CTNNA3: variants seen among roughly 807,000 people sequenced by gnomAD.
CTNNA3 encodes catenin alpha-3.
CTNNA3 carries 76 observed loss-of-function variants against 95.7 expected under a neutral mutation model. The ratio of observed to expected loss-of-function variants is 0.79; its 90% CI spans 0.66 to 0.96. CTNNA3 has a LOEUF of 0.96. Ranked by LOEUF, CTNNA3 falls within the 40% of genes least tolerant of loss-of-function variation. CTNNA3 has a pLI of 0.00. For missense variants in CTNNA3, 1,191 were observed against 1,089.8 expected, an observed-to-expected ratio of 1.09 and a Z score of -1.31; for synonymous variants, 431 against 374.4, an observed-to-expected ratio of 1.15 and a Z score of -1.74.
At chr10:66,537,982 A>T (rs367862045) in intron 10 of CTNNA3, among the ~76,000 whole-genome samples, 1 of 152,236 alleles carries the variant, frequency 6.6e-6, no homozygotes, top group African/African-American at 2.4e-5. Flanking sequence ...TTCCAAAAAC[A>T]CCCTCCACAC....
At chr10:66,076,913 A>G (rs2080574185) in intron 14 of CTNNA3, among the ~76,000 whole-genome samples, 1 of 151,718 alleles carries the variant, frequency 6.6e-6, no homozygotes, top group African/African-American at 2.4e-5. Context: ...AACCCTCTCC[A>G]ATGTTTTATT....
intron 15 of CTNNA3, among the ~76,000 whole-genome samples, chr10:66,041,907 C>T (rs1304614604): frequency 2.6e-5 from 4 of 152,122 alleles, no homozygotes; most frequent in Non-Finnish European, 5.9e-5. Flanking sequence ...TGGCCATTTC[C>T]TTCTTCAATG....
chr10:66,741,652 G>A (rs1053964852), intron 9 of CTNNA3, among the ~76,000 whole-genome samples: 3 of 152,198 alleles, frequency 2.0e-5, no homozygotes, highest in African/African-American at 7.2e-5. Context: ...AGCATTGCGG[G>A]AAGTCAGGGA....
intron 13 of CTNNA3, among the ~76,000 whole-genome samples, chr10:66,146,657 A>G (rs2083902153): frequency 6.6e-6 from 1 of 152,134 alleles, no homozygotes; most frequent in African/African-American, 2.4e-5. Context: ...CCTGGGCTCA[A>G]GTGATCCACC....
intron 15 of CTNNA3, among the ~76,000 whole-genome samples, chr10:66,014,730 T>G (rs563702875): frequency 2.2e-4 from 33 of 152,312 alleles, no homozygotes; most frequent in African/African-American, 7.0e-4. Context: ...TGTATTTAAC[T>G]TTAATTAATT....
intron 13 of CTNNA3, among the ~76,000 whole-genome samples, chr10:66,152,579 A>G (rs2084262097): frequency 6.6e-6 from 1 of 151,972 alleles, no homozygotes. Context: ...TCTAATAATA[A>G]CTAAAAATGA....
chr10:67,351,674 T>C (rs1401230687), intron 5 of CTNNA3, among the ~76,000 whole-genome samples: 1 of 152,010 alleles, frequency 6.6e-6, no homozygotes, highest in Admixed American at 6.6e-5. Flanking sequence ...TGCAAAGTTA[T>C]TTTTCTGAGA....
rs1345746750 is a variant in CTNNA3, at chr10:66,127,140, C to T, written c.1885-23891G>A. Among the ~76,000 whole-genome samples the T allele has an allele frequency of 2.6e-5, 4 of 151,968 alleles. No individual in the cohort carries two copies. The East Asian group carries it at 5.8e-4, about 22-fold the overall frequency. On this transcript the variant is annotated intron_variant, in intron 13 of 17. Transcript: ENST00000433211. Reference sequence around the variant, plus strand: ...CAAAAAAATTAGCCAGGCTTGGTGGCGGGCGCCTGTAGTCCCAGCTACTTG... The same window carrying T: ...CAAAAAAATTAGCCAGGCTTGGTGGTGGGCGCCTGTAGTCCCAGCTACTTG...
rs898511896 is a variant in CTNNA3, at chr10:66,863,218, C to T, written c.1048-87694G>A. Among the ~76,000 whole-genome samples, 20 of 150,756 alleles carry T rather than the reference C, an allele frequency of 1.3e-4. No homozygotes were observed. In the South Asian group the frequency reaches 2.3e-3, roughly 17 times the overall value. ...ACACACACACACACACACGCACACA[C>T]ATATATATATATAATACAATATATA... On this transcript the variant is annotated intron_variant, in intron 7 of 17. Transcript: ENST00000433211.
At chr10:65,950,016 T>C (rs779409317) in intron 17 of CTNNA3, among the ~76,000 whole-genome samples, 2 of 152,034 alleles carry the variant, frequency 1.3e-5, no homozygotes, top group African/African-American at 4.8e-5. Flanking sequence ...GTGCTGCAGA[T>C]GAGAAACTGT....
Position 66,131,255 on chromosome 10 carries a change from GAC to G in CTNNA3, c.1885-28008_1885-28007del, listed in dbSNP as rs1019913673. 3.2e-4 allele frequency among the ~76,000 whole-genome samples: 49 copies of G among 151,996 alleles called. 1 individual carries two copies. Among genetic ancestry groups the G allele is most frequent in the Admixed American group, 3.1e-3 (47 of 15,250 alleles). ...TCATCCTGAACCAAAACCTGGCAGA[GAC>G]ACAACAAAAAGGAAGACTTCCGGCC... On this transcript the variant is annotated intron_variant, in intron 13 of 17. Coordinates refer to ENST00000433211, the MANE Select transcript of CTNNA3 (RefSeq NM_013266.4).
rs146784660 is a variant in CTNNA3 at position 67,013,337 on chromosome 10, T to A, written c.1047+166980A>T. 3.5e-3 allele frequency among the ~76,000 whole-genome samples: 537 copies of A among 152,318 alleles called. 4 individuals are homozygous for A. The highest frequency in any genetic ancestry group is 0.012 in the African/African-American group (505 of 41,576). On this transcript the variant is annotated intron_variant, in intron 7 of 17. Coordinates refer to ENST00000433211, the MANE Select transcript of CTNNA3 (RefSeq NM_013266.4). ...CTGTTTATTTCAGTGAGTAGTTATT[T>A]CAGTTTTTAATAGATATGTTTTCCT... is the stretch of plus-strand genomic sequence containing the variant.
chr10:67,078,774 C>T (rs773029049), intron 7 of CTNNA3, among the ~76,000 whole-genome samples: 3 of 152,118 alleles, frequency 2.0e-5, no homozygotes, highest in Non-Finnish European at 2.9e-5. Context: ...CCTCGGCCCC[C>T]CAACGTGCTG....
intron 1 of CTNNA3, among the ~76,000 whole-genome samples, chr10:67,723,572 G>C (rs946090201): frequency 3.9e-5 from 6 of 152,158 alleles, no homozygotes; most frequent in African/African-American, 7.2e-5. Context: ...GGGATTACAC[G>C]CATAAGCCAC....
intron 5 of CTNNA3, among the ~76,000 whole-genome samples, chr10:67,474,342 T>C (rs1348374317): frequency 1.3e-5 from 2 of 152,142 alleles, no homozygotes; most frequent in African/African-American, 4.8e-5. Flanking sequence ...ACGACCGCTG[T>C]CCTTATAAGA....
At chr10:66,105,973 C>T (rs1483813612) in intron 13 of CTNNA3, among the ~76,000 whole-genome samples, 2 of 152,138 alleles carry the variant, frequency 1.3e-5, no homozygotes, top group Non-Finnish European at 2.9e-5. Context: ...CTTTGGGAGG[C>T]CAAGGCGGGT....
chr10:66,351,392 A>G (rs1335513732), intron 12 of CTNNA3, among the ~76,000 whole-genome samples: 3 of 152,096 alleles, frequency 2.0e-5, no homozygotes, highest in Non-Finnish European at 2.9e-5. Context: ...ATATCAGAAT[A>G]AAGTTGGGAT....
chr10:65,962,469 T>G (rs963285814), intron 17 of CTNNA3, among the ~76,000 whole-genome samples: 1 of 152,198 alleles, frequency 6.6e-6, no homozygotes, highest in Non-Finnish European at 1.5e-5. Flanking sequence ...AAACATATTT[T>G]CCTCAGAATT....
intron 9 of CTNNA3, among the ~76,000 whole-genome samples, chr10:66,738,800 AGTAGGTGTAT>A (rs1441227270): frequency 6.6e-6 from 1 of 152,184 alleles, no homozygotes; most frequent in African/African-American, 2.4e-5. Flanking sequence ...CTTGCAGTAA[AGTAGGTGTAT>A]TTATTTCTGG....
Sources: allele counts gnomAD v4.1 joint callset (sites outside exome capture counted in the v4.1 genomes callset), GRCh38; gene constraint gnomAD v4.1.1; transcripts MANE v1.5; gene names NCBI Gene and HGNC (gene_info 2026-07-23, HGNC 2026-07-21).